The following CNOT4 variants were observed in gnomAD, a reference collection of about 807,000 sequenced individuals.
The protein encoded by CNOT4 is CCR4-NOT transcription complex subunit 4, also known as CCR4-associated factor 4.
CNOT4 carries 8 observed loss-of-function variants against 73.8 expected under a neutral mutation model. The observed-to-expected ratio is 0.11, with a 90% CI of 0.06 to 0.20. The LOEUF is 0.20. Among genes scored for constraint, CNOT4 ranks in the 10% least tolerant of loss-of-function variants. CNOT4 has a pLI of 1.00. For missense variants in CNOT4, 564 were observed against 883.4 expected (o/e 0.64, Z 4.58); for synonymous variants, 293 against 321.1 (o/e 0.91, Z 0.94).
chr7:135,364,594 A>G lies in CNOT4; in HGVS notation c.1628-528T>C, dbSNP rs2129482368. On this transcript the variant is annotated intron_variant, in intron 10 of 11. Coordinates refer to ENST00000541284, the MANE Select transcript of CNOT4 (RefSeq NM_001190850.2). The surrounding 1 kb of genome is among the most constrained non-coding windows in gnomAD (Gnocchi z 4.3). Reference sequence around the variant, plus strand: ...TAAAACTGGCAATGTGCTTCAGAAGAGAAAAGCAGTAATGAACAGGCTTTT... The same window carrying G: ...TAAAACTGGCAATGTGCTTCAGAAGGGAAAAGCAGTAATGAACAGGCTTTT... 6.6e-6 allele frequency among the ~76,000 whole-genome samples: 1 copy of G among 152,376 alleles called. No individual in the cohort carries two copies. Among genetic ancestry groups the G allele is most frequent in the South Asian group, 2.1e-4 (1 of 4,832 alleles).
chr7:135,488,926 G>GT (rs1802920106), intron 1 of CNOT4, among the ~76,000 whole-genome samples: 1 of 151,738 alleles, frequency 6.6e-6, no homozygotes, highest in African/African-American at 2.4e-5. Flanking sequence ...AAGTCAAAGA[G>GT]TTTTTAAAAA....
chr7:135,394,516 TTAAG>T (rs1213759369), intron 9 of CNOT4, 101 bp from the exon 10 acceptor site: 9 of 1,012,806 alleles, frequency 8.9e-6, no homozygotes, highest in Admixed American at 2.3e-5. Flanking sequence ...ATTTTACAAA[TTAAG>T]TAAGTGCAAA....
intron 4 of CNOT4, 81 bp downstream of exon 4, chr7:135,415,095 G>C (rs1192004679): frequency 4.9e-6 from 4 of 812,932 alleles, no homozygotes; most frequent in Non-Finnish European, 8.3e-6. Context: ...TCTAATCAGA[G>C]AGAGCAAAGT....
intron 1 of CNOT4, among the ~76,000 whole-genome samples, chr7:135,451,369 T>C (rs552829386): frequency 3.9e-5 from 6 of 152,276 alleles, no homozygotes; most frequent in South Asian, 2.1e-4. Context: ...TCTTGGCTCA[T>C]TGCAGCATCC....
chr7:135,423,100 T>A (rs1398717839), intron 2 of CNOT4, among the ~76,000 whole-genome samples: 1 of 152,186 alleles, frequency 6.6e-6, no homozygotes, highest in Admixed American at 6.5e-5. Context: ...TAACACTGTG[T>A]CCTACATATA....
At chr7:135,378,049 G>C (rs1213507807) in intron 10 of CNOT4, among the ~76,000 whole-genome samples, 1 of 152,172 alleles carries the variant, frequency 6.6e-6, no homozygotes, top group Non-Finnish European at 1.5e-5. Context: ...ACTTTTTATA[G>C]GAGCTAGAAT....
At chr7:135,418,555 A>G (rs1302977539) in intron 3 of CNOT4, among the ~76,000 whole-genome samples, 1 of 152,212 alleles carries the variant, frequency 6.6e-6, no homozygotes, top group Non-Finnish European at 1.5e-5. Context: ...TGAGTGAATA[A>G]ATGAATGGAT....
At chr7:135,419,888 C>CA (rs58628282) in intron 3 of CNOT4, among the ~76,000 whole-genome samples, 4,926 of 134,368 alleles carry the variant, frequency 0.037, 273 homozygotes, top group African/African-American at 0.12. Context: ...ACTAAAAATC[C>CA]AAAAAAAAAA....
chr7:135,387,050 G>A (rs984446433), intron 10 of CNOT4: 1 of 982,188 alleles, frequency 1.0e-6, no homozygotes, highest in African/African-American at 1.7e-5. Flanking sequence ...AGGCCCAGGA[G>A]CCTCAGCTCC....
At chr7:135,507,535 A>G (rs1804454087) in intron 1 of CNOT4, among the ~76,000 whole-genome samples, 1 of 152,246 alleles carries the variant, frequency 6.6e-6, no homozygotes, top group Non-Finnish European at 1.5e-5. Context: ...GAAATGAAGA[A>G]TTCAGTAACT....
chr7:135,491,458 A>G (rs909624089), intron 1 of CNOT4, among the ~76,000 whole-genome samples: 2 of 152,214 alleles, frequency 1.3e-5, no homozygotes, highest in African/African-American at 2.4e-5. Context: ...TTAAACAAGT[A>G]TATCAAAGAC....
intron 10 of CNOT4, among the ~76,000 whole-genome samples, chr7:135,375,936 C>T (rs1275703958): frequency 6.7e-6 from 1 of 149,480 alleles, no homozygotes; most frequent in African/African-American, 2.5e-5. Flanking sequence ...AAAAAATATA[C>T]AAAAGGGGTG....
chr7:135,380,488 T>C (rs138945898), intron 10 of CNOT4, among the ~76,000 whole-genome samples: 167 of 152,352 alleles, frequency 1.1e-3, no homozygotes, highest in Non-Finnish European at 1.8e-3. Flanking sequence ...CCAAGATCAC[T>C]GGGCCACATT....
Position 135,363,051 on chromosome 7 carries a change from G to C in CNOT4, c.1976C>G (p.Pro659Arg). 2 of 1,613,958 alleles carry C rather than the reference G, an allele frequency of 1.2e-6. No homozygotes were observed. Among genetic ancestry groups the C allele is most frequent in the Non-Finnish European group, 1.7e-6 (2 of 1,179,980 alleles). Reference protein sequence around the residue: ...AAPSQTHHSAPFSTQIPLHRA... With the variant: ...AAPSQTHHSARFSTQIPLHRA... ...GTGCAGCGGGATCTGTGTGCTGAAGGGGGCGCTGTGGTGGGTCTGTGATGG... is the reference window on the plus strand; with the variant it reads ...GTGCAGCGGGATCTGTGTGCTGAAGCGGGCGCTGTGGTGGGTCTGTGATGG... Residue 659 changes from proline to arginine, a missense_variant, in exon 12 of 12, where the codon CCC becomes CGC. Transcript: ENST00000541284. This position sits in a 1 kb window ranked among gnomAD's most constrained non-coding sequence, Gnocchi z 4.3.
intron 1 of CNOT4, among the ~76,000 whole-genome samples, chr7:135,474,821 T>C (rs866365510): frequency 2.0e-5 from 3 of 152,226 alleles, no homozygotes; most frequent in Non-Finnish European, 4.4e-5. Context: ...TATATTAAAA[T>C]TGAAATGCTT....
At chr7:135,422,446 T>C (rs1330139167) in intron 2 of CNOT4, 93 bp from the exon 3 acceptor site, 5 of 686,376 alleles carry the variant, frequency 7.3e-6, no homozygotes, top group Non-Finnish European at 1.3e-5. Context: ...GGTATGTGGT[T>C]ATCTGTTACA....
chr7:135,464,940 G>A (rs896043294), intron 1 of CNOT4, among the ~76,000 whole-genome samples: 3 of 151,946 alleles, frequency 2.0e-5, no homozygotes, highest in African/African-American at 4.8e-5. Flanking sequence ...TAAGGTACAA[G>A]AAACACAGAT....
intron 10 of CNOT4, among the ~76,000 whole-genome samples, chr7:135,368,435 C>A (rs1795024574): frequency 6.6e-6 from 1 of 152,084 alleles, no homozygotes; most frequent in Non-Finnish European, 1.5e-5. Flanking sequence ...TAAACCATGA[C>A]CTCTGTTTTC....
At chr7:135,426,247 G>A (rs1236818425) in intron 2 of CNOT4, among the ~76,000 whole-genome samples, 2 of 151,710 alleles carry the variant, frequency 1.3e-5, no homozygotes, top group African/African-American at 4.8e-5. Flanking sequence ...AACCAAACAC[G>A]AATAACTGCA....
Sources: gnomAD v4.1 joint callset for allele counts (sites outside exome capture counted in the v4.1 genomes callset) on GRCh38, gnomAD v4.1.1 for gene constraint, Gnocchi (gnomAD v3.1) non-coding constraint, MANE v1.5 for transcripts, NCBI Gene and HGNC (gene_info 2026-07-23, HGNC 2026-07-21) for gene names.